Variants in TRPC5 observed in about 807,000 individuals in gnomAD.
TRPC5 encodes the protein short transient receptor potential channel 5.
A neutral mutation model predicts 56.5 loss-of-function variants in TRPC5; 9 were observed. The observed-to-expected ratio is 0.16, with a 90% CI of 0.10 to 0.28. The LOEUF (loss-of-function observed/expected upper bound fraction) is 0.28, where lower values mean the gene tolerates loss of function less well. TRPC5 is among the 10% of genes least tolerant of loss of function. The pLI, the probability that TRPC5 is intolerant of heterozygous loss-of-function variation, is 1.00. For missense variants in TRPC5, 469 were observed against 748.9 expected (o/e 0.63, Z 4.36); for synonymous variants, 282 against 278.5 (o/e 1.01, Z -0.13).
chrX:112,001,172 C>G (rs1182397278), intron 1 of TRPC5, among the ~76,000 whole-genome samples: 1 of 111,702 alleles, frequency 9.0e-6, no homozygotes, highest in African/African-American at 3.3e-5. Context: ...CCCAGGTGGT[C>G]CAGCTTTGCT....
At chrX:112,004,488 A>G (rs1928781968) in intron 1 of TRPC5, among the ~76,000 whole-genome samples, 2 of 112,196 alleles carry the variant, frequency 1.8e-5, no homozygotes, top group Admixed American at 9.5e-5. Context: ...CACACTATCA[A>G]TTTGCAAGAG....
intron 7 of TRPC5, among the ~76,000 whole-genome samples, chrX:111,811,146 G>T (rs970161347): frequency 2.7e-5 from 3 of 111,827 alleles, no homozygotes; most frequent in African/African-American, 9.7e-5. Flanking sequence ...ATAGTATTCA[G>T]ATTCCATTGG....
chrX:112,058,139 C>T (rs1257939193), intron 1 of TRPC5, among the ~76,000 whole-genome samples: 1 of 111,542 alleles, frequency 9.0e-6, no homozygotes, highest in Non-Finnish European at 1.9e-5. Context: ...TCTCCAGAGC[C>T]CCTACCCAGT....
At chrX:111,807,707 T>C (rs1921560603) in intron 7 of TRPC5, among the ~76,000 whole-genome samples, 1 of 112,283 alleles carries the variant, frequency 8.9e-6, no homozygotes, top group Admixed American at 9.4e-5. Context: ...TGTGCATGTC[T>C]TCTTGGGAAG....
intron 2 of TRPC5, among the ~76,000 whole-genome samples, chrX:111,931,575 C>T (rs57607485): frequency 0.025 from 2,802 of 111,997 alleles, 81 homozygotes; most frequent in African/African-American, 0.086. Context: ...AGGCACATTG[C>T]GAAGAAGAGA....
At chrX:111,990,148 T>A (rs1928314923) in intron 1 of TRPC5, among the ~76,000 whole-genome samples, 1 of 112,501 alleles carries the variant, frequency 8.9e-6, no homozygotes, top group Admixed American at 9.4e-5. Flanking sequence ...CCGGGTGTAG[T>A]GGCTCATGCC....
chrX:111,860,997 G>GTTTGT (rs1491223122), intron 3 of TRPC5, among the ~76,000 whole-genome samples: 27 of 94,927 alleles, frequency 2.8e-4, no homozygotes, highest in African/African-American at 1.6e-3. Flanking sequence ...TTTTCTGTTT[G>GTTTGT]TTTGTTTTGT....
rs200115189 is a variant in TRPC5 at position 111,776,586 on chromosome X, A to G, written c.2649T>C (p.Tyr883=). 13 of 1,210,394 alleles carry G rather than the reference A, an allele frequency of 1.1e-5. No individual in the cohort carries two copies. Among genetic ancestry groups the G allele is most frequent in the Non-Finnish European group, 8.9e-6 (8 of 895,358 alleles). ...CTGCTTTCCCTTTCTCCATCTGAGA[A>G]TATCTGATGTCCTGCCACATACAGT... ...QQHCMWQDIR[Y]SQMEKGKAEA... The change falls in exon 11 of 11, where the codon TAT becomes TAC. Residue 883 remains tyrosine (Y), a synonymous_variant. Coordinates refer to ENST00000262839, the MANE Select transcript of TRPC5 (RefSeq NM_012471.3).
intron 3 of TRPC5, among the ~76,000 whole-genome samples, chrX:111,891,911 G>A (rs1924827166): frequency 8.9e-6 from 1 of 112,088 alleles, no homozygotes; most frequent in African/African-American, 3.2e-5. Flanking sequence ...ACCAGAAGAA[G>A]GAAACTATAA....
intron 1 of TRPC5, among the ~76,000 whole-genome samples, chrX:112,029,757 A>C (rs2147717888): frequency 8.9e-6 from 1 of 111,758 alleles, no homozygotes. Flanking sequence ...AACCCAAAGT[A>C]GAGGACCCTT....
At chrX:111,789,403 C>G (rs1363380711) in intron 7 of TRPC5, among the ~76,000 whole-genome samples, 2 of 112,020 alleles carry the variant, frequency 1.8e-5, no homozygotes, top group Non-Finnish European at 3.8e-5. Flanking sequence ...ACACCTTATA[C>G]AAACATTAAT....
chrX:111,834,151 G>T (rs181927808), intron 7 of TRPC5, among the ~76,000 whole-genome samples: 1 of 112,282 alleles, frequency 8.9e-6, no homozygotes, highest in African/African-American at 3.2e-5. Flanking sequence ...AATTGATCCT[G>T]TATCCTACAC....
At chrX:111,803,621 T>G (rs1254134336) in intron 7 of TRPC5, among the ~76,000 whole-genome samples, 1 of 112,831 alleles carries the variant, frequency 8.9e-6, no homozygotes, top group Non-Finnish European at 1.9e-5. Flanking sequence ...CATTTTTTCA[T>G]GTGTCTTTTG....
At chrX:111,908,927 A>T (rs893293171) in intron 3 of TRPC5, among the ~76,000 whole-genome samples, 2 of 110,056 alleles carry the variant, frequency 1.8e-5, no homozygotes, top group African/African-American at 6.6e-5. Context: ...ACCTGAGGCC[A>T]GGAGTTTGAG....
intron 1 of TRPC5, among the ~76,000 whole-genome samples, chrX:111,999,772 C>T (rs939855932): frequency 4.5e-5 from 5 of 111,459 alleles, no homozygotes; most frequent in African/African-American, 1.6e-4. Context: ...TCGAGACCAG[C>T]CTGGCCAACA....
chrX:111,964,209 G>C (rs753525103), intron 1 of TRPC5, among the ~76,000 whole-genome samples: 51 of 112,135 alleles, frequency 4.5e-4, no homozygotes, highest in African/African-American at 1.6e-3. Context: ...CGATCAACTG[G>C]AAGAAAGGGT....
chrX:111,831,610 A>G (rs1922409431), intron 7 of TRPC5, among the ~76,000 whole-genome samples: 1 of 112,035 alleles, frequency 8.9e-6, no homozygotes, highest in African/African-American at 3.2e-5. Flanking sequence ...CCAATTATGT[A>G]TATTTGGACT....
At chrX:111,944,301 T>TGA (rs1166564102) in intron 2 of TRPC5, among the ~76,000 whole-genome samples, 14 of 84,580 alleles carry the variant, frequency 1.7e-4, no homozygotes, top group Non-Finnish European at 2.7e-4. Context: ...TGTGTGTGTG[T>TGA]GTGAGAGAGA....
intron 2 of TRPC5, among the ~76,000 whole-genome samples, chrX:111,931,247 G>A (rs943559756): frequency 3.6e-5 from 4 of 112,150 alleles, no homozygotes; most frequent in African/African-American, 3.2e-5. Flanking sequence ...ATGACTTCTA[G>A]GGCGTTATTT....
Sources: allele counts gnomAD v4.1 joint callset (sites outside exome capture counted in the v4.1 genomes callset), GRCh38; gene constraint gnomAD v4.1.1; transcripts MANE v1.5; gene names NCBI Gene and HGNC (gene_info 2026-07-23, HGNC 2026-07-21).